The following AGL variants were observed in gnomAD, a reference collection of about 807,000 sequenced individuals.
The protein encoded by AGL is amylo-alpha-1,6-glucosidase and 4-alpha-glucanotransferase, also known as glycogen debranching enzyme.
In AGL, 128 loss-of-function variants were observed where a neutral mutation model predicts 199.3. The ratio of observed to expected loss-of-function variants is 0.64; its 90% CI spans 0.56 to 0.74. AGL has a LOEUF of 0.74. AGL is among the 30% of genes least tolerant of loss of function. The pLI, the probability that AGL is intolerant of heterozygous loss-of-function variation, is 0.00. For missense variants in AGL, 1,809 were observed against 1,820.8 expected (o/e 0.99, Z 0.12); for synonymous variants, 584 against 594.7 (o/e 0.98, Z 0.26).
At chr1:99,911,072 C>G (rs996693848) in intron 28 of AGL, among the ~76,000 whole-genome samples, 1 of 152,196 alleles carries the variant, frequency 6.6e-6, no homozygotes, top group African/African-American at 2.4e-5. Context: ...GGTTGATTCT[C>G]TACAAGCACC....
At chr1:99,905,949 A>G (rs1331461724) in intron 27 of AGL, among the ~76,000 whole-genome samples, 1 of 151,736 alleles carries the variant, frequency 6.6e-6, no homozygotes, top group Non-Finnish European at 1.5e-5. Flanking sequence ...TGTTTTTACT[A>G]TTGGTTTTTT....
In AGL at chr1:99,900,805, C is replaced by G; in HGVS notation, c.3532C>G (p.Pro1178Ala). Residue 1178 changes from proline (P) to alanine (A), a missense_variant, in exon 26 of 34, where the codon CCA becomes GCA. Pro to Ala is a conservative substitution (Grantham distance 27). Coordinates refer to ENST00000361915, the MANE Select transcript of AGL (RefSeq NM_000642.3). ...VPNGLDILKC[P>A]VSRMYPTDDS... ...AAATGGTCTAGACATTCTCAAGTGCCCAGTTTCCAGAATGTATCCTACAGA... is the reference window on the plus strand; with the variant it reads ...AAATGGTCTAGACATTCTCAAGTGCGCAGTTTCCAGAATGTATCCTACAGA... 6.2e-7 allele frequency: 1 copy of G among 1,613,910 alleles called. No homozygotes were observed. Among genetic ancestry groups the G allele is most frequent in the Non-Finnish European group, 8.5e-7 (1 of 1,179,940 alleles).
chr1:99,881,789 A>G (rs983430215), intron 17 of AGL, 98 bp downstream of exon 17: 4 of 1,156,156 alleles, frequency 3.5e-6, no homozygotes, highest in South Asian at 1.7e-5. Flanking sequence ...TATCATATAT[A>G]TTATAACACA....
chr1:99,892,238 A>ACT (rs1652951199), intron 23 of AGL, among the ~76,000 whole-genome samples, 194 bp from the exon 24 acceptor site: 1 of 152,162 alleles, frequency 6.6e-6, no homozygotes, highest in Admixed American at 6.5e-5. Flanking sequence ...CCATCTGTGG[A>ACT]CTGTAAGCCA....
chr1:99,878,940 A>T (rs3753492), intron 12 of AGL, among the ~76,000 whole-genome samples: 1 of 152,200 alleles, frequency 6.6e-6, no homozygotes, highest in Non-Finnish European at 1.5e-5. Flanking sequence ...TTAATTTTAA[A>T]TTACAAAATC....
chr1:99,856,699 A>G (rs144763873), intron 2 of AGL, among the ~76,000 whole-genome samples: 2,298 of 152,132 alleles, frequency 0.015, 32 homozygotes, highest in Middle Eastern at 0.088. Flanking sequence ...ATCTTGCACC[A>G]CCCTTAATCC....
At position 99,921,680 on chromosome 1, in the gene AGL, C is replaced by G; in HGVS notation, c.*29C>G. 1 of 1,501,028 alleles carries G rather than the reference C, an allele frequency of 6.7e-7. No homozygotes were observed. The highest frequency in any genetic ancestry group is 2.3e-5 in the East Asian group (1 of 44,138). The allele number at this position is 1,501,028 out of a possible 1,614,324, so 93.0% of individuals were successfully genotyped here. A position where few individuals can be genotyped will look rare whatever the true frequency, so the allele number is the denominator to read the frequency against. The stretch of plus-strand genomic sequence containing the variant: ...ATTACAGATATTAAGTATGCAATTA[C>G]TTGTATTATAGGATGCAAGGTCATC... On this transcript the variant is annotated 3_prime_UTR_variant, in exon 34 of 34. Coordinates refer to ENST00000361915, the MANE Select transcript of AGL (RefSeq NM_000642.3).
chr1:99,881,357 A>C lies in AGL; in HGVS notation c.2067A>C (p.Thr689=). The C allele has an allele frequency of 6.2e-7, 1 of 1,614,146 alleles. No homozygotes were observed. The highest frequency in any genetic ancestry group is 8.5e-7 in the Non-Finnish European group (1 of 1,180,008). ...ATCCTGAAGCATTGCCTTCAAACAC[A>C]GGTGAAGTTAATTTCCAAAGCGGCA... ...KWNPEALPSN[T]GEVNFQSGII... is the part of the protein sequence containing the mutation. Residue 689 remains threonine (T), a synonymous_variant, in exon 16 of 34, where the codon ACA becomes ACC. Coordinates refer to ENST00000361915, the MANE Select transcript of AGL (RefSeq NM_000642.3).
chr1:99,881,685 A>G lies in AGL; in HGVS notation c.2302A>G (p.Ile768Val). The change falls in exon 17 of 34, where the codon ATC (isoleucine) becomes GTC (valine). Residue 768 changes from isoleucine (I) to valine (V), a missense_variant. Ile to Val is a conservative substitution (Grantham distance 29, BLOSUM62 3). Coordinates refer to ENST00000361915, the MANE Select transcript of AGL (RefSeq NM_000642.3). ...CAGCAAGGAAGTGCCTCAAATGTGC[A>G]TCCCTGGTAATGCAATCTAAAAATT... Reference protein sequence around the residue: ...FYSKEVPQMCIPGKIEEVVLE... With the variant: ...FYSKEVPQMCVPGKIEEVVLE... 1.2e-6 allele frequency: 2 copies of G among 1,613,792 alleles called. No individual in the cohort carries two copies. The highest frequency in any genetic ancestry group is 1.1e-5 in the South Asian group (1 of 91,082).
At chr1:99,867,222 A>G (rs1438459806) in intron 5 of AGL, among the ~76,000 whole-genome samples, 1 of 152,214 alleles carries the variant, frequency 6.6e-6, no homozygotes, top group African/African-American at 2.4e-5. Flanking sequence ...TAACTGGTGA[A>G]AATTATTTTA....
intron 25 of AGL, among the ~76,000 whole-genome samples, chr1:99,896,741 A>G (rs1459643868): frequency 2.0e-5 from 3 of 152,054 alleles, no homozygotes; most frequent in Non-Finnish European, 4.4e-5. Context: ...GTTTCCCTCT[A>G]TTTGTTGTCA....
intron 2 of AGL, among the ~76,000 whole-genome samples, chr1:99,855,872 T>C (rs1649376540): frequency 1.3e-5 from 2 of 152,178 alleles, no homozygotes; most frequent in Admixed American, 1.3e-4. Flanking sequence ...TTAAGTAGGT[T>C]GATGAAATTT....
intron 27 of AGL, among the ~76,000 whole-genome samples, chr1:99,909,101 G>A (rs1654539558): frequency 6.6e-6 from 1 of 152,070 alleles, no homozygotes; most frequent in African/African-American, 2.4e-5. Context: ...CTGCTGGGCA[G>A]GGCATGGAAA....
In AGL at chr1:99,896,373, G is replaced by A. The variant is rs746779518; in HGVS notation, c.3347G>A (p.Arg1116His). The A allele has an allele frequency of 3.7e-5, 60 of 1,613,348 alleles. No individual in the cohort carries two copies. In the South Asian group the frequency reaches 3.7e-4, roughly 10 times the overall value. ...AGAGGTATACTGCTGATTACTGGAC[G>A]CTATGTAGAAGCCAGGTAGGAGAGC... is the stretch of plus-strand genomic sequence containing the variant. ...ALRGILLITG[R>H]YVEARNIILA... The change falls in exon 25 of 34, where the codon CGC becomes CAC. Residue 1116 changes from arginine to histidine, a missense_variant. Coordinates refer to ENST00000361915, the MANE Select transcript of AGL (RefSeq NM_000642.3).
Position 99,868,825 on chromosome 1 carries a change from CT to C in AGL, c.665-1558del, listed in dbSNP as rs374175804. Among the ~76,000 whole-genome samples, 485 of 135,458 alleles carry C rather than the reference CT, an allele frequency of 3.6e-3. 4 individuals carry two copies. Among genetic ancestry groups the C allele is most frequent in the African/African-American group, 8.7e-3 (317 of 36,426 alleles). 88.9% of individuals were successfully genotyped at this position (135,458 alleles called of 152,430 possible). A position where few individuals can be genotyped will look rare whatever the true frequency, so the allele number is the denominator to read the frequency against. On this transcript the variant is annotated intron_variant, in intron 5 of 33. Coordinates refer to ENST00000361915, the MANE Select transcript of AGL (RefSeq NM_000642.3). ...AATGAGAGCAGCATTGGTATTTACTCTTTTTTTTTTTTTTTTTGAGACAGGG... is the reference window on the plus strand; with the variant it reads ...AATGAGAGCAGCATTGGTATTTACTCTTTTTTTTTTTTTTTTGAGACAGGG...
chr1:99,884,781 G>C, intron 20 of AGL, 78 bp downstream of exon 20: 2 of 1,544,078 alleles, frequency 1.3e-6, no homozygotes, highest in Non-Finnish European at 1.8e-6. Flanking sequence ...CAGTTTTAAG[G>C]GTCCTCTATA....
rs1557767540 is a variant in AGL, at chr1:99,884,704, G to GT, written c.2681+2dup. 4.3e-6 allele frequency: 7 copies of GT among 1,613,588 alleles called. No homozygotes were observed. Among genetic ancestry groups the GT allele is most frequent in the Non-Finnish European group, 5.9e-6 (7 of 1,179,844 alleles). ...CTATATTAAAAATTCCTTTTGCTTCGTAAGTATGCCTTGTTTGGTAGAGAT... is the reference window on the plus strand; with the variant it reads ...CTATATTAAAAATTCCTTTTGCTTCGTTAAGTATGCCTTGTTTGGTAGAGAT... On this transcript the variant is annotated splice_donor_variant, in intron 20 of 33. Coordinates refer to ENST00000361915, the MANE Select transcript of AGL (RefSeq NM_000642.3). LOFTEE classifies it high-confidence loss of function.
Position 99,875,408 on chromosome 1 carries a change from T to C in AGL, c.1236T>C (p.His412=). The change falls in exon 10 of 34, where the codon CAT becomes CAC. Residue 412 remains histidine, a synonymous_variant. Coordinates refer to ENST00000361915, the MANE Select transcript of AGL (RefSeq NM_000642.3). Reference sequence around the variant, plus strand: ...TGTTTTATGAACGACTGGCTGGCCATGGTCCAAAACTAGGACCTGTCACTA... The same window carrying C: ...TGTTTTATGAACGACTGGCTGGCCACGGTCCAAAACTAGGACCTGTCACTA... ...GNVFYERLAG[H]GPKLGPVTRK... The C allele has an allele frequency of 1.2e-6, 2 of 1,614,196 alleles. No individual in the cohort carries two copies. Among genetic ancestry groups the C allele is most frequent in the Non-Finnish European group, 8.5e-7 (1 of 1,180,022 alleles).
In AGL at chr1:99,916,340, A is replaced by C. The variant is rs1049224705; in HGVS notation, c.4260-70A>C. ...TTATTTCTCTTACCTTTGTTATTGA[A>C]ATTTTTCTAATGCTTTTTACATAAT... is the stretch of plus-strand genomic sequence containing the variant. On this transcript the variant is annotated intron_variant, in intron 31 of 33. Transcript: ENST00000361915. 19 of 1,235,404 alleles carry C rather than the reference A, an allele frequency of 1.5e-5. No individual in the cohort carries two copies. The Admixed American group carries it at 3.7e-4, about 24-fold the overall frequency. 76.5% of individuals were successfully genotyped at this position (1,235,404 alleles called of 1,614,324 possible).
Sources: gnomAD v4.1 joint callset for allele counts (sites outside exome capture counted in the v4.1 genomes callset) on GRCh38, gnomAD v4.1.1 for gene constraint, MANE v1.5 for transcripts, NCBI Gene and HGNC (gene_info 2026-07-23, HGNC 2026-07-21) for gene names.